The following NOTCH3 variants were observed in gnomAD, a reference collection of about 807,000 sequenced individuals.
The protein encoded by NOTCH3 is notch receptor 3.
NOTCH3 carries 86 observed loss-of-function variants against 213.3 expected under a neutral mutation model. The observed-to-expected ratio is 0.40, with a 90% CI of 0.34 to 0.48. The LOEUF (loss-of-function observed/expected upper bound fraction) is 0.48, where lower values mean the gene tolerates loss of function less well. Ranked by LOEUF, NOTCH3 falls within the 20% of genes least tolerant of loss-of-function variation. The pLI, the probability that NOTCH3 is intolerant of heterozygous loss-of-function variation, is 0.57. For synonymous variants in NOTCH3, 1,354 were observed against 1,355.9 expected (o/e 1.00, Z 0.03); for missense variants, 2,783 against 3,272.6 (o/e 0.85, Z 3.65).
chr19:15,196,900 C>A (rs2046973925), intron 2 of NOTCH3, among the ~76,000 whole-genome samples: 2 of 152,174 alleles, frequency 1.3e-5, no homozygotes, highest in Admixed American at 1.3e-4. Flanking sequence ...CTCCCTGCAA[C>A]CTCTTGCCTT....
rs1420717539 is a variant in NOTCH3, at chr19:15,161,230, G to A, written c.6398C>T (p.Thr2133Ile). The change falls in exon 33 of 33, where the codon ACT (threonine) becomes ATT (isoleucine). Residue 2133 changes from threonine (T) to isoleucine (I), a missense_variant. Around this residue, in one of 6 missense-constraint regions of NOTCH3, gnomAD observed 441 missense variants for 432.1 expected, o/e 1.02. Transcript: ENST00000263388. ...LEGPYAAATA[T>I]AVSLAQLGGP... The stretch of plus-strand genomic sequence containing the variant: ...ACCAAGCTGTGCCAGAGACACTGCA[G>A]TGGCAGTGGCAGCTGCATAGGGCCC... 1.9e-6 allele frequency: 3 copies of A among 1,547,160 alleles called. No individual in the cohort carries two copies. The highest frequency in any genetic ancestry group is 1.7e-6 in the Non-Finnish European group (2 of 1,151,854).
chr19:15,188,123 A>G lies in NOTCH3; in HGVS notation c.1492+112T>C, dbSNP rs79481785. 2.9e-3 allele frequency: 3,051 copies of G among 1,063,934 alleles called. 50 individuals are homozygous for G. In the African/African-American group the frequency reaches 0.04, roughly 14 times the overall value. The allele number at this position is 1,063,934 out of a possible 1,614,324, so 65.9% of individuals were successfully genotyped here. A position where few individuals can be genotyped will look rare whatever the true frequency, so the allele number is the denominator to read the frequency against. ...TAAATTAACTTCAATGTTTCATAAC[A>G]TATGGTTTCTATTGTAAGTTATCCG... On this transcript the variant is annotated intron_variant, in intron 9 of 32. Transcript: ENST00000263388.
At chr19:15,173,548 GC>G (rs758631142) in intron 25 of NOTCH3, among the ~76,000 whole-genome samples, 1 of 151,498 alleles carries the variant, frequency 6.6e-6, no homozygotes, top group Non-Finnish European at 1.5e-5. Context: ...ATTGTGCCCG[GC>G]TTTATCTTCT....
chr19:15,199,972 C>T (rs1203219529), intron 1 of NOTCH3, among the ~76,000 whole-genome samples: 1 of 150,834 alleles, frequency 6.6e-6, no homozygotes, highest in Non-Finnish European at 1.5e-5. Flanking sequence ...AAAGAAAGCG[C>T]GAGGCCGGCC....
rs1207184908 is a variant in NOTCH3 at position 15,161,410 on chromosome 19, C to A, written c.6218G>T (p.Gly2073Val). 1.3e-6 allele frequency: 2 copies of A among 1,526,988 alleles called. No individual in the cohort carries two copies. The allele number at this position is 1,526,988 out of a possible 1,614,324, so 94.6% of individuals were successfully genotyped here. The change falls in exon 33 of 33, where the codon GGG (glycine) becomes GTG (valine). Residue 2073 changes from glycine (G) to valine (V), a missense_variant. By Grantham distance (109) the Gly-to-Val change is moderately radical. Coordinates refer to ENST00000263388, the MANE Select transcript of NOTCH3 (RefSeq NM_000435.3). ...GCCCCGCCCCCGGGGCCCCTGCGGC[C>A]CCAGCCCCGCCTTCCCGGGGGGCCT... ...SRRPPGKAGL[G>V]PQGPRGRGKK...
chr19:15,180,879 G>A, intron 18 of NOTCH3, 51 bp from the exon 19 acceptor site: 1 of 1,605,192 alleles, frequency 6.2e-7, no homozygotes, highest in Non-Finnish European at 8.5e-7. Context: ...GGTAGTCTGG[G>A]AGAAACTGTG....
In NOTCH3 at chr19:15,180,219, C is replaced by A. The variant is rs1216998912; in HGVS notation, c.3180G>T (p.Gln1060His). The change falls in exon 20 of 33, where the codon CAG (glutamine) becomes CAT (histidine). Residue 1060 changes from glutamine (Q) to histidine (H), a missense_variant. Transcript: ENST00000263388. The part of the protein sequence containing the change: ...RLEQLCQAGG[Q>H]CVDEDSSHYC... ...AGTGGGAGCTGTCTTCATCCACACA[C>A]TGCCCACCCGCCTGACACAGCTGCT... The A allele has an allele frequency of 6.2e-7, 1 of 1,613,826 alleles. No individual in the cohort carries two copies. The highest frequency in any genetic ancestry group is 2.2e-5 in the East Asian group (1 of 44,864).
Position 15,186,991 on chromosome 19 carries a change from A to G in NOTCH3, c.1841-3T>C, listed in dbSNP as rs768120674. The G allele has an allele frequency of 6.2e-6, 10 of 1,613,850 alleles. No homozygotes were observed. The highest frequency in any genetic ancestry group is 1.7e-6 in the Non-Finnish European group (2 of 1,179,822). On this transcript the variant is annotated splice_region_variant and splice_polypyrimidine_tract_variant and intron_variant, in intron 11 of 32. Transcript: ENST00000263388. ...AATGTTCACTTCGCAGTTCACACCT[A>G]GGGGCCAGGAACATGGCATGGAGTG...
intron 18 of NOTCH3, 46 bp from the exon 19 acceptor site, chr19:15,180,874 T>C (rs1189318591): frequency 6.2e-7 from 1 of 1,607,610 alleles, no homozygotes; most frequent in Non-Finnish European, 8.5e-7. Context: ...TGGGGGGTAG[T>C]CTGGGAGAAA....
intron 23 of NOTCH3, 133 bp from the exon 24 acceptor site, chr19:15,178,223 G>A (rs1416045991): frequency 3.3e-6 from 2 of 599,930 alleles, no homozygotes; most frequent in Non-Finnish European, 2.9e-6. Flanking sequence ...CAAGACTAAG[G>A]AAGGTTGAGA....
In NOTCH3 at chr19:15,181,685, G is replaced by T; in HGVS notation, c.2683C>A (p.Pro895Thr). The T allele has an allele frequency of 6.4e-7, 1 of 1,559,334 alleles. No individual in the cohort carries two copies. The highest frequency in any genetic ancestry group is 8.7e-7 in the Non-Finnish European group (1 of 1,151,362). The change falls in exon 17 of 33, where the codon CCC becomes ACC. Residue 895 changes from proline to threonine, a missense_variant. Pro to Thr is a conservative substitution (Grantham distance 38). This residue lies in a region of NOTCH3 where 861 missense variants were observed against 909.1 expected (regional missense o/e 0.95). Coordinates refer to ENST00000263388, the MANE Select transcript of NOTCH3 (RefSeq NM_000435.3). ...ARDVDECLSNPCGPGTCTDHV... is the reference protein window; with the variant it reads ...ARDVDECLSNTCGPGTCTDHV... ...TCGGTACAGGTGCCCGGGCCGCAGG[G>T]GTTGCTCAGGCACTCATCCACATCG...
chr19:15,193,240 A>T (rs1045645074), intron 2 of NOTCH3, among the ~76,000 whole-genome samples: 2 of 145,656 alleles, frequency 1.4e-5, no homozygotes, highest in African/African-American at 5.0e-5. Context: ...TGCAGATGTA[A>T]TTTTTTTTTT....
At position 15,161,982 on chromosome 19, in the gene NOTCH3, C is replaced by CTT. The variant is rs71168583; in HGVS notation, c.5914-270_5914-269dup. ...TTAGGCATAACTTTTTTTTTCTTGT[C>CTT]TTTTTTTTTTTTTTTTTTTGACAGA... On this transcript the variant is annotated intron_variant, in intron 32 of 32. Transcript: ENST00000263388. 0.64 allele frequency among the ~76,000 whole-genome samples: 73,448 copies of CTT among 114,546 alleles called. 25,096 individuals are homozygous for CTT. The highest frequency in any genetic ancestry group is 0.74 in the Non-Finnish European group (44,338 of 60,184). 75.1% of individuals were successfully genotyped at this position (114,546 alleles called of 152,430 possible).
At position 15,160,209 on chromosome 19, in the gene NOTCH3, G is replaced by A; in HGVS notation, c.*453C>T. 1 of 241,284 alleles carries A rather than the reference G, an allele frequency of 4.1e-6. No homozygotes were observed. The highest frequency in any genetic ancestry group is 6.0e-5 in the East Asian group (1 of 16,782). The allele number at this position is 241,284 out of a possible 1,614,324, so 14.9% of individuals were successfully genotyped here. ...ACAGACTCAGCCCCACGGGGGCACT[G>A]GGGGGTTCACAGGGGGAGGGAGCAT... On this transcript the variant is annotated 3_prime_UTR_variant, in exon 33 of 33. Coordinates refer to ENST00000263388, the MANE Select transcript of NOTCH3 (RefSeq NM_000435.3).
At position 15,185,211 on chromosome 19, in the gene NOTCH3, G is replaced by A. The variant is rs1181232437; in HGVS notation, c.2296+46C>T. 6.2e-7 allele frequency: 1 copy of A among 1,604,378 alleles called. No individual in the cohort carries two copies. The highest frequency in any genetic ancestry group is 1.7e-5 in the Admixed American group (1 of 59,942). On this transcript the variant is annotated intron_variant, in intron 14 of 32. Coordinates refer to ENST00000263388, the MANE Select transcript of NOTCH3 (RefSeq NM_000435.3). This position sits in a 1 kb window ranked among gnomAD's most constrained non-coding sequence, Gnocchi z 4.2. ...GAGTAGAGGAGAAGAGAGATGAGAA[G>A]GCCCATGGTGTTGGTGGGGCTGCAG...
Position 15,192,149 on chromosome 19 carries a change from C to T in NOTCH3, c.490G>A (p.Val164Met), listed in dbSNP as rs1486143095. The T allele has an allele frequency of 3.1e-6, 5 of 1,612,784 alleles. No individual in the cohort carries two copies. The highest frequency in any genetic ancestry group is 2.7e-5 in the African/African-American group (2 of 74,932). The change falls in exon 4 of 33, where the codon GTG becomes ATG. Residue 164 changes from valine (V) to methionine (M), a missense_variant. Physicochemically the swap from Val to Met is conservative, Grantham distance 21. Coordinates refer to ENST00000263388, the MANE Select transcript of NOTCH3 (RefSeq NM_000435.3). ...CCACCATGGCGGCAGGGCTCACCCA[C>T]CCGGCACTCATCCACGTCGCTTCGG... ...SCRSDVDECR[V>M]GEPCRHGGTC...
chr19:15,187,323 A>T lies in NOTCH3; in HGVS notation c.1622T>A (p.Leu541Gln), dbSNP rs1156276027. The change falls in exon 11 of 33, where the codon CTG (leucine) becomes CAG (glutamine). Residue 541 changes from leucine (L) to glutamine (Q), a missense_variant. Leu to Gln is a moderately radical substitution (Grantham distance 113). Coordinates refer to ENST00000263388, the MANE Select transcript of NOTCH3 (RefSeq NM_000435.3). ...CRCAEGFEGTLCDRNVDDCSP... is the reference protein window; with the variant it reads ...CRCAEGFEGTQCDRNVDDCSP... ...GCAGTCGTCCACGTTGCGATCACACAGCGTGCCCTCAAAGCCTGTGGGGCC... is the reference window on the plus strand; with the variant it reads ...GCAGTCGTCCACGTTGCGATCACACTGCGTGCCCTCAAAGCCTGTGGGGCC... 1 of 1,613,614 alleles carries T rather than the reference A, an allele frequency of 6.2e-7. No individual in the cohort carries two copies. Among genetic ancestry groups the T allele is most frequent in the East Asian group, 2.2e-5 (1 of 44,876 alleles).
chr19:15,191,630 T>C lies in NOTCH3; in HGVS notation c.830A>G (p.Glu277Gly). The change falls in exon 6 of 33, where the codon GAG becomes GGG. Residue 277 changes from glutamate (E) to glycine (G), a missense_variant. This residue lies in a region of NOTCH3 where 708 missense variants were observed against 906.6 expected (regional missense o/e 0.78). Coordinates refer to ENST00000263388, the MANE Select transcript of NOTCH3 (RefSeq NM_000435.3). The part of the protein sequence containing the change: ...TGQFCTEDVD[E>G]CQLQPNACHN... ...GCAGGCGTTGGGCTGCAGCTGACACTCATCCACGTCCTCCGTGCAGAACTG... is the reference window on the plus strand; with the variant it reads ...GCAGGCGTTGGGCTGCAGCTGACACCCATCCACGTCCTCCGTGCAGAACTG... 1 of 1,613,608 alleles carries C rather than the reference T, an allele frequency of 6.2e-7. No individual in the cohort carries two copies. Among genetic ancestry groups the C allele is most frequent in the Non-Finnish European group, 8.5e-7 (1 of 1,180,006 alleles).
Position 15,184,365 on chromosome 19 carries a change from A to G in NOTCH3, c.2496T>C (p.Ser832=). Residue 832 remains serine, a synonymous_variant, in exon 16 of 33, where the codon AGT becomes AGC. Transcript: ENST00000263388. ...PHGICTNLAG[S]FSCTCHGGYT... ...ACCCTCCATGGCAGGTGCAGCTGAA[A>G]CTCCCTGCCAGGTTGGTGCAGATAC... The G allele has an allele frequency of 1.9e-6, 3 of 1,613,288 alleles. No homozygotes were observed. In the South Asian group the frequency reaches 3.3e-5, roughly 18 times the overall value.
Sources: gnomAD v4.1 joint callset for allele counts (sites outside exome capture counted in the v4.1 genomes callset) on GRCh38, gnomAD v4.1.1 for gene constraint, gnomAD v4.1.1 regional missense constraint, Gnocchi (gnomAD v3.1) non-coding constraint, MANE v1.5 for transcripts, NCBI Gene and HGNC (gene_info 2026-07-23, HGNC 2026-07-21) for gene names.